Variants in HIVEP1 observed in about 807,000 individuals in gnomAD.
HIVEP1 encodes the protein zinc finger protein 40.
In HIVEP1, 36 loss-of-function variants were observed where a neutral mutation model predicts 180.0. The observed-to-expected ratio is 0.20, with a 90% CI of 0.15 to 0.26. HIVEP1 has a LOEUF of 0.26. Among genes scored for constraint, HIVEP1 ranks in the 10% least tolerant of loss-of-function variants. HIVEP1 has a pLI of 1.00. For synonymous variants in HIVEP1, 1,239 were observed against 1,239.0 expected (o/e 1.00, Z 0.00); for missense variants, 3,143 against 3,268.7 (o/e 0.96, Z 0.94).
chr6:12,176,527 C>T, the HIVEP1 span, among the ~76,000 whole-genome samples: 2 of 152,046 alleles, frequency 1.3e-5, no homozygotes, highest in Non-Finnish European at 1.5e-5. Context: ...CCACCGTGCC[C>T]GGCCAGTCTT....
chr6:12,016,100 A>G (rs1767726578), intron 2 of HIVEP1, among the ~76,000 whole-genome samples: 1 of 152,220 alleles, frequency 6.6e-6, no homozygotes, highest in African/African-American at 2.4e-5. Context: ...TAACAAGATA[A>G]GAAGTGAAGA....
chr6:12,091,671 T>C (rs1773482928), intron 3 of HIVEP1, among the ~76,000 whole-genome samples: 1 of 152,166 alleles, frequency 6.6e-6, no homozygotes, highest in Non-Finnish European at 1.5e-5. Context: ...CTAAATTATG[T>C]TAATGTACTT....
the HIVEP1 span, among the ~76,000 whole-genome samples, chr6:12,200,669 G>C: frequency 6.6e-6 from 1 of 152,182 alleles, no homozygotes; most frequent in Non-Finnish European, 1.5e-5. Context: ...CATTTAAAGG[G>C]ACCCAGAGAT....
chr6:12,125,928 C>T, intron 4 of HIVEP1, 58 bp downstream of exon 4: 1 of 918,476 alleles, frequency 1.1e-6, no homozygotes, highest in Non-Finnish European at 1.7e-6. Context: ...TTCCATGTGT[C>T]TTGATACCTT....
At chr6:12,197,876 G>T in the HIVEP1 span, among the ~76,000 whole-genome samples, 2 of 152,168 alleles carry the variant, frequency 1.3e-5, no homozygotes. Context: ...AAACAGATGG[G>T]TTTGAAAGCT....
chr6:12,093,096 T>C (rs1391386980), intron 3 of HIVEP1, among the ~76,000 whole-genome samples: 1 of 152,174 alleles, frequency 6.6e-6, no homozygotes, highest in African/African-American at 2.4e-5. Flanking sequence ...TAAATGAGGT[T>C]GTAGTTTGTT....
intron 7 of HIVEP1, among the ~76,000 whole-genome samples, chr6:12,148,246 GT>G (rs1332319837): frequency 6.6e-6 from 1 of 152,174 alleles, no homozygotes; most frequent in African/African-American, 2.4e-5. Flanking sequence ...CTGGGGGCTG[GT>G]CACTGTCGAG....
At chr6:12,127,052 G>A (rs1005293082) in intron 4 of HIVEP1, among the ~76,000 whole-genome samples, 2 of 152,002 alleles carry the variant, frequency 1.3e-5, no homozygotes, top group Non-Finnish European at 2.9e-5. Flanking sequence ...ACAGAGTTTC[G>A]CCATGTCTGG....
chr6:12,086,411 A>G (rs1033940556), intron 2 of HIVEP1, among the ~76,000 whole-genome samples: 2 of 152,112 alleles, frequency 1.3e-5, no homozygotes, highest in Admixed American at 6.6e-5. Flanking sequence ...TTTTTAGGTA[A>G]CAGCAACAGA....
intron 2 of HIVEP1, among the ~76,000 whole-genome samples, chr6:12,052,730 T>C (rs74781930): frequency 0.037 from 5,645 of 152,312 alleles, 351 homozygotes; most frequent in African/African-American, 0.13. Flanking sequence ...TGAAAACAAA[T>C]TCTTACTGTT....
intron 3 of HIVEP1, among the ~76,000 whole-genome samples, chr6:12,096,193 A>C (rs1433765317): frequency 6.6e-6 from 1 of 152,054 alleles, no homozygotes; most frequent in Admixed American, 6.6e-5. Flanking sequence ...AATTTCTGTG[A>C]ATATCACCAT....
At chr6:12,013,214 C>G (rs1026977887) in intron 1 of HIVEP1, among the ~76,000 whole-genome samples, 1 of 152,230 alleles carries the variant, frequency 6.6e-6, no homozygotes, top group Non-Finnish European at 1.5e-5. Flanking sequence ...CCATTCCCCC[C>G]CTCCTCCTGG....
At chr6:12,180,008 C>T in the HIVEP1 span, among the ~76,000 whole-genome samples, 11 of 152,192 alleles carry the variant, frequency 7.2e-5, no homozygotes, top group Middle Eastern at 3.4e-3. Context: ...TTCAAATAAG[C>T]TTTATATCAA....
chr6:12,170,256 C>T, the HIVEP1 span, among the ~76,000 whole-genome samples: 3 of 151,584 alleles, frequency 2.0e-5, no homozygotes, highest in Admixed American at 6.6e-5. Context: ...AAGGTACCAC[C>T]GAGTCCAGCA....
chr6:12,015,167 C>G (rs2113563512), intron 1 of HIVEP1, among the ~76,000 whole-genome samples: 1 of 152,320 alleles, frequency 6.6e-6, no homozygotes, highest in African/African-American at 2.4e-5. Context: ...ACAAGATGAA[C>G]AAGACATTGT....
intron 7 of HIVEP1, among the ~76,000 whole-genome samples, chr6:12,150,281 G>C (rs1759627758): frequency 6.6e-6 from 1 of 152,162 alleles, no homozygotes; most frequent in Admixed American, 6.5e-5. Context: ...CAAGCCGCCA[G>C]CAATTTGCTT....
intron 2 of HIVEP1, among the ~76,000 whole-genome samples, chr6:12,054,380 A>G (rs1217364926): frequency 2.0e-5 from 3 of 152,226 alleles, no homozygotes. Context: ...AGAAATAACT[A>G]CTATTAACAA....
At chr6:12,162,353 G>T (rs1760462605) in intron 8 of HIVEP1, among the ~76,000 whole-genome samples, 3 of 152,096 alleles carry the variant, frequency 2.0e-5, no homozygotes, top group Non-Finnish European at 4.4e-5. Context: ...CAAACATTTT[G>T]CACTTTGCCC....
chr6:12,137,084 A>C (rs1229261275), intron 7 of HIVEP1, among the ~76,000 whole-genome samples: 1 of 152,234 alleles, frequency 6.6e-6, no homozygotes, highest in Non-Finnish European at 1.5e-5. Flanking sequence ...AATCAGCCTG[A>C]ATTTACTTAT....
Sources: gnomAD v4.1 joint callset for allele counts (sites outside exome capture counted in the v4.1 genomes callset) on GRCh38, gnomAD v4.1.1 for gene constraint, MANE v1.5 for transcripts, NCBI Gene and HGNC (gene_info 2026-07-23, HGNC 2026-07-21) for gene names.